FMNL2: variants seen among roughly 807,000 people sequenced by gnomAD.
FMNL2 encodes the protein formin like 2.
In FMNL2, 51 loss-of-function variants were observed where a neutral mutation model predicts 130.2. The observed-to-expected ratio is 0.39, with a 90% confidence interval of 0.31 to 0.49. The LOEUF (loss-of-function observed/expected upper bound fraction) is 0.49. Among genes scored for constraint, FMNL2 ranks in the 20% least tolerant of loss-of-function variants. The pLI is 0.85. For synonymous variants in FMNL2, 465 were observed against 467.1 expected, an observed-to-expected ratio of 1.00 and a Z score of 0.06; for missense variants, 977 against 1,316.2, an observed-to-expected ratio of 0.74 and a Z score of 3.99.
chr2:152,428,331 A>G (rs1471478171), intron 1 of FMNL2, among the ~76,000 whole-genome samples: 1 of 152,216 alleles, frequency 6.6e-6, no homozygotes. Flanking sequence ...CAAGCAAACC[A>G]CAATTTACAA....
chr2:152,634,248 C>T (rs1682392614), intron 21 of FMNL2, among the ~76,000 whole-genome samples: 1 of 152,146 alleles, frequency 6.6e-6, no homozygotes. Flanking sequence ...GCGTGGCCAA[C>T]ATAGCGAAAC....
chr2:152,336,666 G>A (rs1431625016), intron 1 of FMNL2, among the ~76,000 whole-genome samples: 1 of 152,152 alleles, frequency 6.6e-6, no homozygotes, highest in Non-Finnish European at 1.5e-5. Flanking sequence ...GCCAGGATCT[G>A]GACTGCTGTT....
rs979304418 is a variant in FMNL2, at chr2:152,412,534, C to T, written c.117+76814C>T. 1.2e-4 allele frequency among the ~76,000 whole-genome samples: 17 copies of T among 139,218 alleles called. No homozygotes were observed. The South Asian group carries it at 2.7e-3, about 22-fold the overall frequency. 91.3% of individuals were successfully genotyped at this position (139,218 alleles called of 152,430 possible). On this transcript the variant is annotated intron_variant, in intron 1 of 25. Transcript: ENST00000288670. The stretch of plus-strand genomic sequence containing the variant: ...AAAAAAATTGAAACAGGGCCAGGTA[C>T]GGTGACTCATGCTTATAATCCCAGC...
At chr2:152,503,529 C>G (rs1338363792) in intron 1 of FMNL2, among the ~76,000 whole-genome samples, 1 of 151,664 alleles carries the variant, frequency 6.6e-6, no homozygotes, top group South Asian at 2.1e-4. Context: ...AGTGTATACA[C>G]GGATGTAGGA....
intron 2 of FMNL2, among the ~76,000 whole-genome samples, chr2:152,538,667 GA>G (rs1333902735): frequency 2.0e-5 from 3 of 152,158 alleles, no homozygotes; most frequent in Non-Finnish European, 4.4e-5. Flanking sequence ...GAAGAGAAAA[GA>G]AAACTCGGCC....
At chr2:152,401,751 T>G (rs912039838) in intron 1 of FMNL2, among the ~76,000 whole-genome samples, 1 of 152,080 alleles carries the variant, frequency 6.6e-6, no homozygotes, top group African/African-American at 2.4e-5. Flanking sequence ...GAGCCTAAAG[T>G]TCATTTCTGA....
intron 3 of FMNL2, among the ~76,000 whole-genome samples, chr2:152,548,657 A>G (rs1001432369): frequency 7.2e-5 from 11 of 152,194 alleles, no homozygotes; most frequent in African/African-American, 2.4e-4. Context: ...GTAATACATC[A>G]TAGCCACGGG....
At chr2:152,390,854 A>C (rs1685072167) in intron 1 of FMNL2, among the ~76,000 whole-genome samples, 1 of 152,216 alleles carries the variant, frequency 6.6e-6, no homozygotes. Flanking sequence ...CCCAGCAAAA[A>C]CAGAAATAAG....
At chr2:152,645,577 AT>A in intron 25 of FMNL2, 1 of 1,154,086 alleles carries the variant, frequency 8.7e-7, no homozygotes, top group South Asian at 1.3e-5. Context: ...ATGCAGATCA[AT>A]GGTTTTCAAT....
chr2:152,547,815 C>T (rs560766050), intron 3 of FMNL2, among the ~76,000 whole-genome samples: 1 of 152,282 alleles, frequency 6.6e-6, no homozygotes, highest in African/African-American at 2.4e-5. Context: ...TTCCTGTAAA[C>T]AGTGTGACAT....
chr2:152,431,936 G>A (rs1558858742), intron 1 of FMNL2, among the ~76,000 whole-genome samples: 1 of 123,394 alleles, frequency 8.1e-6, no homozygotes. Context: ...TGCACTCCTG[G>A]TCTGGGCAAC....
intron 1 of FMNL2, among the ~76,000 whole-genome samples, chr2:152,456,103 T>C (rs972392895): frequency 3.9e-5 from 6 of 152,210 alleles, no homozygotes; most frequent in African/African-American, 7.2e-5. Context: ...GGTAGAACAT[T>C]AGATAAATGC....
intron 1 of FMNL2, among the ~76,000 whole-genome samples, chr2:152,381,733 C>T (rs937218978): frequency 6.6e-6 from 1 of 152,054 alleles, no homozygotes; most frequent in Non-Finnish European, 1.5e-5. Context: ...AATTAAAATG[C>T]AGTAATGCTT....
chr2:152,505,307 TG>T (rs1339337491), intron 1 of FMNL2, among the ~76,000 whole-genome samples: 5 of 152,186 alleles, frequency 3.3e-5, no homozygotes, highest in Non-Finnish European at 7.3e-5. Flanking sequence ...TAAGAAATGT[TG>T]TTTTGTATGA....
At position 152,636,511 on chromosome 2, in the gene FMNL2, A is replaced by G. The variant is rs757827873; in HGVS notation, c.2765A>G (p.His922Arg). 4 of 1,606,468 alleles carry G rather than the reference A, an allele frequency of 2.5e-6. No individual in the cohort carries two copies. Among genetic ancestry groups the G allele is most frequent in the East Asian group, 2.2e-5 (1 of 44,682 alleles). Residue 922 changes from histidine to arginine, a missense_variant, in exon 22 of 26, where the codon CAT (histidine) becomes CGT (arginine). Around this residue, in one of 4 missense-constraint regions of FMNL2, gnomAD observed 689 missense variants for 995.9 expected, o/e 0.69. Transcript: ENST00000288670. ...AAGAGAGAGTACACCATGCATGACCATAACACGCTGCTGAAGGAGTTCATC... is the reference window on the plus strand; with the variant it reads ...AAGAGAGAGTACACCATGCATGACCGTAACACGCTGCTGAAGGAGTTCATC... ...LTKREYTMHDHNTLLKEFILN... is the reference protein window; with the variant it reads ...LTKREYTMHDRNTLLKEFILN...
At chr2:152,591,289 G>A (rs1015695580) in intron 9 of FMNL2, among the ~76,000 whole-genome samples, 1 of 152,148 alleles carries the variant, frequency 6.6e-6, no homozygotes, top group East Asian at 1.9e-4. Flanking sequence ...GATTACAGGC[G>A]TGAGCCACTG....
chr2:152,611,691 A>G, intron 11 of FMNL2, 86 bp downstream of exon 11: 1 of 844,236 alleles, frequency 1.2e-6, no homozygotes, highest in South Asian at 1.5e-5. Flanking sequence ...TAGCAGCTAA[A>G]GAATGCCTAA....
chr2:152,591,959 C>T (rs867064453), intron 9 of FMNL2, among the ~76,000 whole-genome samples: 3 of 152,028 alleles, frequency 2.0e-5, no homozygotes, highest in African/African-American at 2.4e-5. Flanking sequence ...AAAAATAAGC[C>T]GGGTGTGGTG....
chr2:152,545,816 G>T (rs1403785466), intron 3 of FMNL2, among the ~76,000 whole-genome samples: 2 of 152,158 alleles, frequency 1.3e-5, no homozygotes, highest in East Asian at 3.9e-4. Flanking sequence ...AGCACTCATT[G>T]TGTATATATT....
Sources: allele counts gnomAD v4.1 joint callset (sites outside exome capture counted in the v4.1 genomes callset), GRCh38; gene constraint gnomAD v4.1.1; regional missense constraint gnomAD v4.1.1; transcripts MANE v1.5; gene names NCBI Gene and HGNC (gene_info 2026-07-23, HGNC 2026-07-21).